Variants in TLE1 observed in about 807,000 individuals in gnomAD.
TLE1 encodes transducin-like enhancer protein 1.
Under a neutral mutation model 89.8 loss-of-function variants are expected in TLE1, and 21 were observed. The ratio of observed to expected loss-of-function variants is 0.23; its 90% CI spans 0.17 to 0.34. The LOEUF is 0.34. TLE1 is among the 10% of genes least tolerant of loss of function. The probability of loss-of-function intolerance (pLI) is 1.00; values close to 1 mark genes in which losing one functional copy is unlikely to be tolerated. For synonymous variants in TLE1, 447 were observed against 407.6 expected (o/e 1.10, Z -1.16); for missense variants, 795 against 1,031.2 (o/e 0.77, Z 3.14).
intron 4 of TLE1, among the ~76,000 whole-genome samples, chr9:81,666,164 A>ATTTT (rs1831438445): frequency 6.6e-6 from 1 of 152,176 alleles, no homozygotes; most frequent in Non-Finnish European, 1.5e-5. Context: ...CCCAGGATGG[A>ATTTT]AAAAGGACAG....
At chr9:81,677,157 G>A (rs985930352) in intron 4 of TLE1, among the ~76,000 whole-genome samples, 1 of 152,102 alleles carries the variant, frequency 6.6e-6, no homozygotes, top group African/African-American at 2.4e-5. Flanking sequence ...AGAATAGCTT[G>A]AACCCCAGAG....
chr9:81,639,434 C>A (rs1279305541), intron 6 of TLE1, among the ~76,000 whole-genome samples: 1 of 152,104 alleles, frequency 6.6e-6, no homozygotes, highest in Non-Finnish European at 1.5e-5. Flanking sequence ...TTCAACATGA[C>A]AGGAAGGATG....
chr9:81,662,896 G>A (rs1349165072), intron 4 of TLE1, among the ~76,000 whole-genome samples: 1 of 151,950 alleles, frequency 6.6e-6, no homozygotes, highest in Non-Finnish European at 1.5e-5. Context: ...TGCCCAGGCT[G>A]GAGTGCAGTG....
At chr9:81,641,036 G>C (rs988383482) in intron 6 of TLE1, among the ~76,000 whole-genome samples, 3 of 152,162 alleles carry the variant, frequency 2.0e-5, no homozygotes, top group Non-Finnish European at 4.4e-5. Context: ...CTGATGCTAA[G>C]AGTGACAGTA....
At chr9:81,634,019 CT>C in intron 7 of TLE1, 77 bp downstream of exon 7, 2 of 1,468,190 alleles carry the variant, frequency 1.4e-6, no homozygotes, top group South Asian at 1.4e-5. Flanking sequence ...TTGGGGCTCT[CT>C]TTAGCGATGC....
intron 14 of TLE1, chr9:81,600,149 C>A: frequency 1.4e-6 from 1 of 720,274 alleles, no homozygotes; most frequent in Middle Eastern, 2.3e-4. Context: ...TGGAGAAATT[C>A]TTGGATGGAA....
At chr9:81,674,804 C>G (rs1832681540) in intron 4 of TLE1, among the ~76,000 whole-genome samples, 1 of 152,084 alleles carries the variant, frequency 6.6e-6, no homozygotes, top group South Asian at 2.1e-4. Flanking sequence ...GCCAAAAGTA[C>G]AAAGGGCAAG....
At chr9:81,621,016 G>A in intron 8 of TLE1, 1 of 324,616 alleles carries the variant, frequency 3.1e-6, no homozygotes, top group Non-Finnish European at 6.2e-6. Flanking sequence ...TTAACAGCAT[G>A]GTTTCCTAAA....
rs577939037 is a variant in TLE1 at position 81,601,533 on chromosome 9, T to C, written c.1332-8259A>G. Among the ~76,000 whole-genome samples the C allele has an allele frequency of 3.3e-5, 5 of 151,312 alleles. 1 individual carries two copies. Among genetic ancestry groups the C allele is most frequent in the African/African-American group, 9.7e-5 (4 of 41,136 alleles). On this transcript the variant is annotated intron_variant, in intron 14 of 19. Transcript: ENST00000376499. ...TGAGTTATTACTGACCTCTAGGTGC[T>C]AATATATAAGGCAGGTAGAGCACAG...
intron 4 of TLE1, among the ~76,000 whole-genome samples, chr9:81,667,383 C>A (rs1468635128): frequency 3.0e-5 from 3 of 99,286 alleles, no homozygotes; most frequent in East Asian, 2.8e-4. Context: ...GACAGACTGT[C>A]TCAAAAAAAA....
chr9:81,632,864 C>A (rs1826852939), intron 8 of TLE1, among the ~76,000 whole-genome samples: 1 of 152,266 alleles, frequency 6.6e-6, no homozygotes, highest in East Asian at 1.9e-4. Context: ...ACCTAGCAAC[C>A]AAGATGCATT....
At chr9:81,615,232 G>A (rs187550393) in intron 11 of TLE1, among the ~76,000 whole-genome samples, 3 of 151,080 alleles carry the variant, frequency 2.0e-5, no homozygotes, top group Non-Finnish European at 4.4e-5. Context: ...GGGAGGCTGA[G>A]GCAGGAGAAT....
chr9:81,682,329 G>A (rs998273755), intron 4 of TLE1, among the ~76,000 whole-genome samples: 23 of 151,450 alleles, frequency 1.5e-4, no homozygotes, highest in African/African-American at 5.3e-4. Context: ...CAATAGATGC[G>A]TGGCCTTGAG....
At chr9:81,618,104 T>C (rs552167581) in intron 9 of TLE1, among the ~76,000 whole-genome samples, 1 of 152,268 alleles carries the variant, frequency 6.6e-6, no homozygotes, top group South Asian at 2.1e-4. Flanking sequence ...AAAGTCTACC[T>C]TCTTAGCCAA....
intron 6 of TLE1, among the ~76,000 whole-genome samples, chr9:81,651,879 G>A (rs972540728): frequency 1.3e-5 from 2 of 152,042 alleles, no homozygotes; most frequent in African/African-American, 4.8e-5. Context: ...AGCTACTCAG[G>A]AGGCTAAGGC....
At chr9:81,599,985 T>C (rs1458091728) in intron 14 of TLE1, 2 of 609,192 alleles carry the variant, frequency 3.3e-6, no homozygotes, top group South Asian at 2.1e-5. Context: ...AAGAAACAGA[T>C]GACCTAAGTT....
intron 6 of TLE1, among the ~76,000 whole-genome samples, chr9:81,641,078 CTTTCT>C (rs1340257076): frequency 1.3e-5 from 2 of 152,282 alleles, no homozygotes; most frequent in East Asian, 1.9e-4. Flanking sequence ...TATTTAAACA[CTTTCT>C]TTTAAGGGGA....
At chr9:81,666,982 T>C (rs1831550286) in intron 4 of TLE1, among the ~76,000 whole-genome samples, 1 of 151,278 alleles carries the variant, frequency 6.6e-6, no homozygotes, top group African/African-American at 2.4e-5. Context: ...TAGCCGGGTG[T>C]GGTGGTGTGG....
intron 8 of TLE1, chr9:81,621,031 A>G (rs1825180919): frequency 6.7e-6 from 2 of 297,492 alleles, no homozygotes; most frequent in Non-Finnish European, 1.4e-5. Context: ...CCTAAAAGGC[A>G]AATCACATTT....
Sources: gnomAD v4.1 joint callset for allele counts (sites outside exome capture counted in the v4.1 genomes callset) on GRCh38, gnomAD v4.1.1 for gene constraint, MANE v1.5 for transcripts, NCBI Gene and HGNC (gene_info 2026-07-23, HGNC 2026-07-21) for gene names.